The following ARHGAP24 variants were observed in gnomAD, a reference collection of about 807,000 sequenced individuals.
ARHGAP24 encodes the protein rho GTPase-activating protein 24.
In ARHGAP24, 50 loss-of-function variants were observed where a neutral mutation model predicts 76.4. The observed-to-expected ratio is 0.65, with a 90% CI of 0.52 to 0.83. ARHGAP24 has a LOEUF of 0.83. Among genes scored for constraint, ARHGAP24 ranks in the 40% least tolerant of loss-of-function variants. ARHGAP24 has a pLI of 0.00. For synonymous variants in ARHGAP24, 345 were observed against 323.3 expected (o/e 1.07, Z -0.72); for missense variants, 930 against 914.2 (o/e 1.02, Z -0.22).
At chr4:85,986,327 G>A (rs1739992360) in intron 8 of ARHGAP24, among the ~76,000 whole-genome samples, 1 of 151,922 alleles carries the variant, frequency 6.6e-6, no homozygotes, top group Admixed American at 6.6e-5. Flanking sequence ...AAATAATATT[G>A]CATTCTGCTT....
At chr4:85,521,789 T>C (rs1019918871) in intron 1 of ARHGAP24, among the ~76,000 whole-genome samples, 1 of 152,158 alleles carries the variant, frequency 6.6e-6, no homozygotes, top group African/African-American at 2.4e-5. Flanking sequence ...CACAGTCTCA[T>C]AGGAAACGTC....
intron 3 of ARHGAP24, among the ~76,000 whole-genome samples, chr4:85,768,231 T>A (rs1379459526): frequency 1.3e-5 from 2 of 152,158 alleles, no homozygotes; most frequent in Non-Finnish European, 2.9e-5. Context: ...TATTTTTTTA[T>A]TCAAAATCTA....
At chr4:85,612,891 TG>T (rs1401842829) in intron 2 of ARHGAP24, among the ~76,000 whole-genome samples, 2 of 141,622 alleles carry the variant, frequency 1.4e-5, no homozygotes, top group East Asian at 4.9e-4. Flanking sequence ...CACAACCTCC[TG>T]GACTCAAGCA....
intron 1 of ARHGAP24, among the ~76,000 whole-genome samples, chr4:85,506,133 C>A (rs1031960849): frequency 6.6e-6 from 1 of 152,084 alleles, no homozygotes; most frequent in African/African-American, 2.4e-5. Context: ...AAGAGAGGCA[C>A]CTGACTGTAT....
At chr4:85,664,297 G>C (rs192132772) in intron 2 of ARHGAP24, among the ~76,000 whole-genome samples, 3 of 150,844 alleles carry the variant, frequency 2.0e-5, no homozygotes, top group South Asian at 2.1e-4. Flanking sequence ...GTTTATTTGC[G>C]TAGAGGTGTT....
At chr4:85,796,596 G>A (rs948588686) in intron 3 of ARHGAP24, among the ~76,000 whole-genome samples, 1 of 152,146 alleles carries the variant, frequency 6.6e-6, no homozygotes, top group African/African-American at 2.4e-5. Flanking sequence ...TTTGAACAGG[G>A]ACAGTTTAAT....
chr4:85,539,950 C>A (rs2110122068), intron 1 of ARHGAP24, among the ~76,000 whole-genome samples: 1 of 152,138 alleles, frequency 6.6e-6, no homozygotes, highest in East Asian at 1.9e-4. Context: ...GAGGCTGAGG[C>A]AGGAGAATCG....
At chr4:85,901,384 A>G (rs1428722038) in intron 3 of ARHGAP24, among the ~76,000 whole-genome samples, 1 of 152,002 alleles carries the variant, frequency 6.6e-6, no homozygotes, top group Non-Finnish European at 1.5e-5. Flanking sequence ...CAAACAAACA[A>G]ACAACAAAAA....
At chr4:85,477,662 G>C (rs1256166673) in intron 1 of ARHGAP24, among the ~76,000 whole-genome samples, 1 of 152,176 alleles carries the variant, frequency 6.6e-6, no homozygotes, top group Admixed American at 6.5e-5. Context: ...GTGATGAGTA[G>C]TCCGAGTATG....
intron 2 of ARHGAP24, among the ~76,000 whole-genome samples, chr4:85,641,016 A>G (rs1261067488): frequency 1.0e-5 from 1 of 98,358 alleles, no homozygotes; most frequent in African/African-American, 3.6e-5. Context: ...AATGAAAAGA[A>G]ATTTACTTAA....
At chr4:85,487,344 A>C (rs1372010125) in intron 1 of ARHGAP24, among the ~76,000 whole-genome samples, 1 of 114,278 alleles carries the variant, frequency 8.8e-6, no homozygotes, top group East Asian at 2.3e-4. Flanking sequence ...ATTTATATAC[A>C]TTTATAATAT....
intron 4 of ARHGAP24, among the ~76,000 whole-genome samples, chr4:85,926,267 A>G (rs1019431080): frequency 2.6e-5 from 4 of 152,216 alleles, no homozygotes; most frequent in African/African-American, 9.6e-5. Flanking sequence ...CTTGATTTGA[A>G]TTTACATTTA....
chr4:85,831,240 CCCCA>C (rs1729979669), intron 3 of ARHGAP24, among the ~76,000 whole-genome samples: 1 of 152,128 alleles, frequency 6.6e-6, no homozygotes, highest in Non-Finnish European at 1.5e-5. Flanking sequence ...ACATTAAGAG[CCCCA>C]AAATTCTTTT....
At position 85,864,458 on chromosome 4, in the gene ARHGAP24, A is replaced by G. The variant is rs116669486; in HGVS notation, c.269-59190A>G. On this transcript the variant is annotated intron_variant, in intron 3 of 9. Transcript: ENST00000395184. ...TTATGTTAAGAGGATGGAATTAACC[A>G]TGTAAAATTTGGTACAGATTTATCT... 4.1e-3 allele frequency among the ~76,000 whole-genome samples: 620 copies of G among 152,246 alleles called. 3 individuals carry two copies. Among genetic ancestry groups the G allele is most frequent in the African/African-American group, 0.014 (576 of 41,558 alleles).
At chr4:85,997,856 C>A (rs1001776804) in intron 9 of ARHGAP24, among the ~76,000 whole-genome samples, 1 of 151,830 alleles carries the variant, frequency 6.6e-6, no homozygotes, top group Non-Finnish European at 1.5e-5. Flanking sequence ...GGGGTTTTAC[C>A]ATGTTGGCCA....
rs185438264 is a variant in ARHGAP24, at chr4:85,616,304, G to A, written c.180+45583G>A. Among the ~76,000 whole-genome samples, 204 of 152,300 alleles carry A rather than the reference G, an allele frequency of 1.3e-3. No individual in the cohort carries two copies. The South Asian group carries it at 0.015, about 11-fold the overall frequency. Reference sequence around the variant, plus strand: ...TTGTGATCAGAATGACTGACAGGCTGTTAAGTAAAGCCTACAAAGAATTTG... The same window carrying A: ...TTGTGATCAGAATGACTGACAGGCTATTAAGTAAAGCCTACAAAGAATTTG... On this transcript the variant is annotated intron_variant, in intron 2 of 9. Coordinates refer to ENST00000395184, the MANE Select transcript of ARHGAP24 (RefSeq NM_001025616.3).
intron 3 of ARHGAP24, among the ~76,000 whole-genome samples, chr4:85,797,752 C>A (rs1193032406): frequency 1.3e-5 from 2 of 152,192 alleles, no homozygotes; most frequent in Non-Finnish European, 2.9e-5. Flanking sequence ...CTGAATTGTG[C>A]CACATGGCAT....
At chr4:85,506,211 T>G (rs1263435520) in intron 1 of ARHGAP24, among the ~76,000 whole-genome samples, 1 of 152,154 alleles carries the variant, frequency 6.6e-6, no homozygotes, top group East Asian at 1.9e-4. Flanking sequence ...GGGACCCACT[T>G]GAGGAGGCAG....
At chr4:85,921,351 G>A (rs1735711101) in intron 3 of ARHGAP24, among the ~76,000 whole-genome samples, 1 of 152,106 alleles carries the variant, frequency 6.6e-6, no homozygotes, top group South Asian at 2.1e-4. Flanking sequence ...TAGGCACATA[G>A]AGGGGAACAA....
Sources: gnomAD v4.1 joint callset for allele counts (sites outside exome capture counted in the v4.1 genomes callset) on GRCh38, gnomAD v4.1.1 for gene constraint, MANE v1.5 for transcripts, NCBI Gene and HGNC (gene_info 2026-07-23, HGNC 2026-07-21) for gene names.